VIPAS39: variants seen among roughly 807,000 people sequenced by gnomAD.
VIPAS39 encodes spermatogenesis-defective protein 39 homolog.
Under a neutral mutation model 84.7 loss-of-function variants are expected in VIPAS39, and 63 were observed. That is an observed-to-expected ratio of 0.74 (90% CI 0.61 to 0.92). The LOEUF (loss-of-function observed/expected upper bound fraction) is 0.92. VIPAS39 is among the 40% of genes least tolerant of loss of function. The probability of loss-of-function intolerance (pLI) is 0.00; values close to 1 mark genes in which losing one functional copy is unlikely to be tolerated. For missense variants in VIPAS39, 499 were observed against 604.5 expected (o/e 0.83, Z 1.83); for synonymous variants, 192 against 216.5 (o/e 0.89, Z 0.99).
chr14:77,428,873 T>C, intron 18 of VIPAS39, 133 bp downstream of exon 18: 1 of 798,098 alleles, frequency 1.3e-6, no homozygotes, highest in South Asian at 1.5e-5. Flanking sequence ...AAACAAACTC[T>C]TGCCAGATTA....
rs1344925053 is a variant in VIPAS39 at position 77,453,406 on chromosome 14, A to C, written c.94-5T>G. 1 of 1,613,786 alleles carries C rather than the reference A, an allele frequency of 6.2e-7. No individual in the cohort carries two copies. The highest frequency in any genetic ancestry group is 1.7e-5 in the Admixed American group (1 of 60,000). On this transcript the variant is annotated splice_region_variant and splice_polypyrimidine_tract_variant and intron_variant, in intron 2 of 19. Coordinates refer to ENST00000557658, the MANE Select transcript of VIPAS39 (RefSeq NM_001193315.2). ...CGCCCGCTTGGACTCCTTTAACTGC[A>C]GAGGGACACAAGGCTAGGGTGCTCA...
At chr14:77,431,087 A>G (rs911113538) in intron 16 of VIPAS39, among the ~76,000 whole-genome samples, 2 of 152,216 alleles carry the variant, frequency 1.3e-5, no homozygotes, top group Admixed American at 6.5e-5. Context: ...TAAAACTCAT[A>G]GAAGAAAACA....
In VIPAS39 at chr14:77,453,319, C is replaced by T; in HGVS notation, c.176G>A (p.Trp59Ter). Residue 59 changes from tryptophan to a stop codon, truncating the protein, a stop_gained, in exon 3 of 20, where the codon TGG becomes TAG. Transcript: ENST00000557658. LOFTEE classifies it high-confidence loss of function. Reference protein sequence around the residue: ...DDDDDLERVSWSGEPVGSISW... With the variant: ...DDDDDLERVS Reference sequence around the variant, plus strand: ...CTTACTTCCCACAGGTTCCCCACTCCAGCTGACTCGCTCCAGGTCATCATC... The same window carrying T: ...CTTACTTCCCACAGGTTCCCCACTCTAGCTGACTCGCTCCAGGTCATCATC... 1 of 1,614,152 alleles carries T rather than the reference C, an allele frequency of 6.2e-7. No individual in the cohort carries two copies. The highest frequency in any genetic ancestry group is 8.5e-7 in the Non-Finnish European group (1 of 1,180,022).
At chr14:77,438,439 G>A (rs550195899) in intron 11 of VIPAS39, among the ~76,000 whole-genome samples, 3 of 152,294 alleles carry the variant, frequency 2.0e-5, no homozygotes, top group Admixed American at 6.5e-5. Flanking sequence ...ATGATGGCCA[G>A]GCTGGTCTCG....
At chr14:77,434,900 G>GAGAA (rs2078582847) in intron 14 of VIPAS39, among the ~76,000 whole-genome samples, 1 of 144,738 alleles carries the variant, frequency 6.9e-6, no homozygotes, top group South Asian at 2.2e-4. Context: ...CTCCATCTCA[G>GAGAA]AGAAAAAAAA....
intron 15 of VIPAS39, 23 bp downstream of exon 15, chr14:77,434,234 TTCATA>T: frequency 6.2e-7 from 1 of 1,609,974 alleles, no homozygotes; most frequent in Non-Finnish European, 8.5e-7. Context: ...GATCACTAGT[TTCATA>T]ACACTGACCA....
rs2139717834 is a variant in VIPAS39 at position 77,426,910 on chromosome 14, A to T, written c.*706T>A. Reference sequence around the variant, plus strand: ...AGAGAGAGCTCTCCAGCACTGCTGCATCTGAGCTTCTTATAAAGTGACGGG... The same window carrying T: ...AGAGAGAGCTCTCCAGCACTGCTGCTTCTGAGCTTCTTATAAAGTGACGGG... On this transcript the variant is annotated 3_prime_UTR_variant, in exon 20 of 20. Transcript: ENST00000557658. 1 of 152,418 alleles carries T rather than the reference A, an allele frequency of 6.6e-6. No individual in the cohort carries two copies. The highest frequency in any genetic ancestry group is 2.1e-4 in the South Asian group (1 of 4,830). The allele number at this position is 152,418 out of a possible 1,614,324, so 9.4% of individuals were successfully genotyped here.
In VIPAS39 at chr14:77,437,807, C is replaced by A; in HGVS notation, c.836+1G>T. ...TAAAATCATTTTTCCCCCATACTTA[C>A]CCAACACAGGTTTTAAGAAATTCTT... On this transcript the variant is annotated splice_donor_variant, in intron 12 of 19. Transcript: ENST00000557658. LOFTEE classifies it high-confidence loss of function. 1.2e-6 allele frequency: 2 copies of A among 1,613,936 alleles called. No individual in the cohort carries two copies.
chr14:77,434,028 G>A (rs2078565997), intron 15 of VIPAS39, 97 bp from the exon 16 acceptor site: 3 of 1,395,182 alleles, frequency 2.2e-6, no homozygotes, highest in Non-Finnish European at 3.0e-6. Context: ...AATATTTCCT[G>A]ATATTGACTC....
At chr14:77,457,073 G>A in intron 1 of VIPAS39, 2 of 1,391,430 alleles carry the variant, frequency 1.4e-6, no homozygotes, top group Middle Eastern at 2.7e-4. Context: ...CCCTGCCTCA[G>A]AAAACTCCAA....
intron 1 of VIPAS39, among the ~76,000 whole-genome samples, chr14:77,455,347 G>A (rs1339162451): frequency 6.6e-6 from 1 of 151,998 alleles, no homozygotes; most frequent in Admixed American, 6.6e-5. Flanking sequence ...CAAAAAACTA[G>A]CTGGACATGG....
Position 77,427,484 on chromosome 14 carries a change from G to A in VIPAS39, c.*132C>T, listed in dbSNP as rs1318514724. The A allele has an allele frequency of 3.8e-6, 4 of 1,045,450 alleles. No individual in the cohort carries two copies. Among genetic ancestry groups the A allele is most frequent in the Admixed American group, 3.5e-5 (2 of 56,500 alleles). 64.8% of individuals were successfully genotyped at this position (1,045,450 alleles called of 1,614,324 possible). A position where few individuals can be genotyped will look rare whatever the true frequency, so the allele number is the denominator to read the frequency against. The stretch of plus-strand genomic sequence containing the variant: ...ATCAGTCTGAAGTTATCTGTGTCAA[G>A]AGTAGCTGGCACTGCCCATGGGTAA... On this transcript the variant is annotated 3_prime_UTR_variant, in exon 20 of 20. Transcript: ENST00000557658.
At position 77,428,453 on chromosome 14, in the gene VIPAS39, G is replaced by A. The variant is rs766112659; in HGVS notation, c.1378C>T (p.Arg460Cys). The A allele has an allele frequency of 6.2e-7, 1 of 1,613,864 alleles. No individual in the cohort carries two copies. Among genetic ancestry groups the A allele is most frequent in the Non-Finnish European group, 8.5e-7 (1 of 1,179,942 alleles). The change falls in exon 19 of 20, where the codon CGT becomes TGT. Residue 460 changes from arginine to cysteine, a missense_variant. By Grantham distance (180) the Arg-to-Cys change is radical (BLOSUM62 -3). Coordinates refer to ENST00000557658, the MANE Select transcript of VIPAS39 (RefSeq NM_001193315.2). The part of the protein sequence containing the change: ...VIDTYRDLKD[R>C]QQLLAYRSKV... ...CTCCTGTATGCTAGCAACTGTTGAC[G>A]ATCCTTCAGGTCCCGGTAGGTCTGT...
chr14:77,435,958 A>G (rs1566725967), intron 12 of VIPAS39, 39 bp from the exon 13 acceptor site: 2 of 1,607,952 alleles, frequency 1.2e-6, no homozygotes, highest in South Asian at 1.1e-5. Flanking sequence ...TTCTCTATTC[A>G]AACAAGGAAA....
chr14:77,434,244 T>C lies in VIPAS39; in HGVS notation c.1089+18A>G. ...ACCCTGATCACTAGTTTCATAACAC[T>C]GACCAATTTGTATCTACCTTAAATG... On this transcript the variant is annotated intron_variant, in intron 15 of 19. Coordinates refer to ENST00000557658, the MANE Select transcript of VIPAS39 (RefSeq NM_001193315.2). The C allele has an allele frequency of 6.2e-7, 1 of 1,613,258 alleles. No homozygotes were observed. Among genetic ancestry groups the C allele is most frequent in the Non-Finnish European group, 8.5e-7 (1 of 1,179,170 alleles).
intron 18 of VIPAS39, 44 bp downstream of exon 18, chr14:77,428,962 C>T (rs760092620): frequency 1.3e-6 from 2 of 1,543,090 alleles, no homozygotes; most frequent in South Asian, 2.2e-5. Flanking sequence ...CCCTGCTTCG[C>T]CACTGAGGAT....
intron 10 of VIPAS39, 91 bp downstream of exon 10, chr14:77,442,469 G>C (rs2078717875): frequency 1.9e-6 from 2 of 1,062,854 alleles, no homozygotes; most frequent in Non-Finnish European, 2.9e-6. Context: ...CCAGGAAAAG[G>C]GCAGTTGGCG....
intron 11 of VIPAS39, among the ~76,000 whole-genome samples, chr14:77,440,764 G>A (rs901359652): frequency 6.6e-6 from 1 of 152,174 alleles, no homozygotes; most frequent in Non-Finnish European, 1.5e-5. Flanking sequence ...TGTTGCCCAG[G>A]CTGGAGTGCA....
At chr14:77,444,454 C>G in intron 7 of VIPAS39, 113 bp from the exon 8 acceptor site, 1 of 960,312 alleles carries the variant, frequency 1.0e-6, no homozygotes, top group Non-Finnish European at 1.5e-6. Context: ...AGGAGAGTCT[C>G]TTTATTTTTA....
Sources: allele counts gnomAD v4.1 joint callset (sites outside exome capture counted in the v4.1 genomes callset), GRCh38; gene constraint gnomAD v4.1.1; transcripts MANE v1.5; gene names NCBI Gene and HGNC (gene_info 2026-07-23, HGNC 2026-07-21).